BHMT: variants seen among roughly 807,000 people sequenced by gnomAD.
BHMT encodes the protein betaine--homocysteine S-methyltransferase 1.
BHMT carries 38 observed loss-of-function variants against 49.5 expected under a neutral mutation model. The ratio of observed to expected loss-of-function variants is 0.77; its 90% confidence interval spans 0.59 to 1.01. The LOEUF (loss-of-function observed/expected upper bound fraction) is 1.01. Among genes scored for constraint, BHMT ranks in the 50% least tolerant of loss-of-function variants. The probability of loss-of-function intolerance (pLI) is 0.00; values close to 1 mark genes in which losing one functional copy is unlikely to be tolerated. For synonymous variants in BHMT, 166 were observed against 176.3 expected (o/e 0.94, Z 0.46); for missense variants, 426 against 495.7 (o/e 0.86, Z 1.34).
chr5:79,111,889 C>G lies in BHMT; in HGVS notation c.4C>G (p.Pro2Ala), dbSNP rs368937011. The G allele has an allele frequency of 6.2e-7, 1 of 1,611,760 alleles. No homozygotes were observed. Among genetic ancestry groups the G allele is most frequent in the African/African-American group, 1.3e-5 (1 of 74,804 alleles). Residue 2 changes from proline to alanine, a missense_variant, in exon 1 of 8, where the codon CCA becomes GCA. This residue lies in a region of BHMT where 321 missense variants were observed against 355.9 expected (regional missense o/e 0.90). Transcript: ENST00000274353. ...CACCTGTCTGGACACCACGAAGATG[C>G]CACCCGTTGGGGGCAAAAAGGCCAA... M[P>A]PVGGKKAKKG...
chr5:79,112,990 G>A (rs2112720909), intron 1 of BHMT, among the ~76,000 whole-genome samples: 1 of 152,298 alleles, frequency 6.6e-6, no homozygotes, highest in South Asian at 2.1e-4. Flanking sequence ...TGTATCCTCT[G>A]GGCTGTAAGG....
chr5:79,115,826 T>C lies in BHMT; in HGVS notation c.93T>C (p.Phe31=). Residue 31 remains phenylalanine (F), a synonymous_variant, in exon 2 of 8, where the codon TTT becomes TTC. Transcript: ENST00000274353. The stretch of plus-strand genomic sequence containing the variant: ...TGATTGGAGATGGAGGGTTTGTCTT[T>C]GCACTGGAGAAGAGGGGCTACGTAA... ...EIVIGDGGFV[F]ALEKRGYVKA... is the part of the protein sequence containing the mutation. The C allele has an allele frequency of 1.2e-6, 2 of 1,614,082 alleles. No individual in the cohort carries two copies. The highest frequency in any genetic ancestry group is 1.7e-6 in the Non-Finnish European group (2 of 1,179,976).
rs774498400 is a variant in BHMT, at chr5:79,131,102, T to A, written c.1207T>A (p.Phe403Ile). 2.5e-6 allele frequency: 4 copies of A among 1,612,992 alleles called. No individual in the cohort carries two copies. The highest frequency in any genetic ancestry group is 2.2e-5 in the South Asian group (2 of 90,842). The part of the protein sequence containing the change: ...QLKELFEKQK[F>I]KSQ Reference sequence around the variant, plus strand: ...GAAAGAGCTCTTTGAAAAACAAAAATTCAAATCACAGTAGCCTCGATAGAA... The same window carrying A: ...GAAAGAGCTCTTTGAAAAACAAAAAATCAAATCACAGTAGCCTCGATAGAA... The change falls in exon 8 of 8, where the codon TTC becomes ATC. Residue 403 changes from phenylalanine to isoleucine, a missense_variant. Around this residue, in one of 3 missense-constraint regions of BHMT, gnomAD observed 73 missense variants for 68.3 expected, o/e 1.07. Transcript: ENST00000274353.
intron 7 of BHMT, among the ~76,000 whole-genome samples, chr5:79,130,187 A>G (rs577528193): frequency 1.1e-3 from 169 of 152,240 alleles, no homozygotes; most frequent in African/African-American, 4.0e-3. Context: ...AAAGAAATTC[A>G]AAGTAACTTT....
Position 79,119,243 on chromosome 5 carries a change from T to C in BHMT, c.167-16T>C. On this transcript the variant is annotated splice_polypyrimidine_tract_variant and intron_variant, in intron 2 of 7. Coordinates refer to ENST00000274353, the MANE Select transcript of BHMT (RefSeq NM_001713.3). ...TAATAAACAGAAATTATACCTTTCC[T>C]CATTCACTCTCCCAGTTCGCCAGCT... is the stretch of plus-strand genomic sequence containing the variant. The C allele has an allele frequency of 6.4e-7, 1 of 1,571,666 alleles. No individual in the cohort carries two copies. The highest frequency in any genetic ancestry group is 8.7e-7 in the Non-Finnish European group (1 of 1,154,530).
intron 2 of BHMT, among the ~76,000 whole-genome samples, chr5:79,118,701 C>T (rs558273366): frequency 1.4e-3 from 212 of 152,310 alleles, no homozygotes; most frequent in African/African-American, 4.8e-3. Context: ...TGCCTGTTCC[C>T]GCTTTATTAT....
chr5:79,128,081 A>G, intron 7 of BHMT, 98 bp downstream of exon 7: 1 of 1,384,212 alleles, frequency 7.2e-7, no homozygotes, highest in Non-Finnish European at 9.9e-7. Flanking sequence ...GTGATGATGA[A>G]GAATCAGTCA....
In BHMT at chr5:79,120,159, C is replaced by A; in HGVS notation, c.286-191C>A. On this transcript the variant is annotated intron_variant, in intron 3 of 7. Transcript: ENST00000274353. ...AATGTCATATATATATTTATTGTTACTATCACTATTATTAGTGTTATTGTT... is the reference window on the plus strand; with the variant it reads ...AATGTCATATATATATTTATTGTTAATATCACTATTATTAGTGTTATTGTT... The A allele has an allele frequency of 4.0e-6, 2 of 503,372 alleles. 1 individual carries two copies. The allele number at this position is 503,372 out of a possible 1,614,324, so 31.2% of individuals were successfully genotyped here.
intron 4 of BHMT, among the ~76,000 whole-genome samples, chr5:79,120,841 T>C (rs561664823): frequency 1.3e-5 from 2 of 152,252 alleles, no homozygotes; most frequent in East Asian, 3.9e-4. Context: ...TTTTAAGCAA[T>C]AGAATACATT....
At chr5:79,128,595 T>G (rs1163682425) in intron 7 of BHMT, among the ~76,000 whole-genome samples, 1 of 152,020 alleles carries the variant, frequency 6.6e-6, no homozygotes, top group Non-Finnish European at 1.5e-5. Flanking sequence ...TGTGATTTTG[T>G]GCTCTAGTAA....
intron 2 of BHMT, 71 bp downstream of exon 2, chr5:79,115,970 C>A: frequency 6.8e-7 from 1 of 1,471,006 alleles, no homozygotes; most frequent in South Asian, 1.4e-5. Context: ...GTAATCCCAG[C>A]AACTCAGGAG....
chr5:79,125,814 A>C (rs114632405), intron 5 of BHMT, among the ~76,000 whole-genome samples: 2,682 of 152,120 alleles, frequency 0.018, 92 homozygotes, highest in African/African-American at 0.06. Flanking sequence ...GTGGTGGCAC[A>C]CACTTGTAGT....
In BHMT at chr5:79,123,341, C is replaced by G. The variant is rs956681554; in HGVS notation, c.625+1976C>G. On this transcript the variant is annotated intron_variant, in intron 5 of 7. Coordinates refer to ENST00000274353, the MANE Select transcript of BHMT (RefSeq NM_001713.3). Reference sequence around the variant, plus strand: ...CCAGCAACAGCAAAGACACCTGCCACTCACCACTGGATTCCATGGGTTGTG... The same window carrying G: ...CCAGCAACAGCAAAGACACCTGCCAGTCACCACTGGATTCCATGGGTTGTG... 9.8e-5 allele frequency among the ~76,000 whole-genome samples: 15 copies of G among 152,324 alleles called. 1 individual carries two copies. Among genetic ancestry groups the G allele is most frequent in the African/African-American group, 3.4e-4 (14 of 41,572 alleles).
At chr5:79,129,658 CA>C (rs1409653310) in intron 7 of BHMT, among the ~76,000 whole-genome samples, 1 of 152,020 alleles carries the variant, frequency 6.6e-6, no homozygotes, top group African/African-American at 2.4e-5. Context: ...GGACAGCAGA[CA>C]GGTTGAGGCC....
At chr5:79,125,960 C>A in intron 5 of BHMT, 86 bp from the exon 6 acceptor site, 1 of 1,385,494 alleles carries the variant, frequency 7.2e-7, no homozygotes, top group Non-Finnish European at 9.8e-7. Context: ...GAAAAAAGAA[C>A]TTCCTGATTC....
Position 79,115,908 on chromosome 5 carries a change from A to G in BHMT, c.166+9A>G, listed in dbSNP as rs770132110. On this transcript the variant is annotated intron_variant, in intron 2 of 7. Transcript: ENST00000274353. ...GGAGCACCCAGAAGCAGGTTGGTGC[A>G]GAGCTCTATTGTAAGTTCTCATAAA... 1 of 1,609,774 alleles carries G rather than the reference A, an allele frequency of 6.2e-7. No individual in the cohort carries two copies. The highest frequency in any genetic ancestry group is 8.5e-7 in the Non-Finnish European group (1 of 1,178,426).
intron 2 of BHMT, among the ~76,000 whole-genome samples, chr5:79,117,907 T>G (rs980286240): frequency 1.3e-5 from 2 of 152,212 alleles, no homozygotes; most frequent in Non-Finnish European, 2.9e-5. Flanking sequence ...AAAGGAGTTT[T>G]TTTCCACTAT....
In BHMT at chr5:79,131,311, A is replaced by G. The variant is rs1279971834; in HGVS notation, c.*195A>G. ...TGTTTTAGAAATTTTCTTAGGAGCA[A>G]AATAAGTACAAAGTAAATCTTGAAC... On this transcript the variant is annotated 3_prime_UTR_variant, in exon 8 of 8. Coordinates refer to ENST00000274353, the MANE Select transcript of BHMT (RefSeq NM_001713.3). 1 of 544,054 alleles carries G rather than the reference A, an allele frequency of 1.8e-6. No individual in the cohort carries two copies. The highest frequency in any genetic ancestry group is 3.1e-6 in the Non-Finnish European group (1 of 323,798). 33.7% of individuals were successfully genotyped at this position (544,054 alleles called of 1,614,324 possible). A position where few individuals can be genotyped will look rare whatever the true frequency, so the allele number is the denominator to read the frequency against.
rs753607977 is a variant in BHMT, at chr5:79,115,854, G to C, written c.121G>C (p.Ala41Pro). ...ACTGGAGAAGAGGGGCTACGTAAAG[G>C]CAGGACCCTGGACTCCTGAAGCTGC... ...FALEKRGYVK[A>P]GPWTPEAAVE... Residue 41 changes from alanine to proline, a missense_variant, in exon 2 of 8, where the codon GCA becomes CCA. Coordinates refer to ENST00000274353, the MANE Select transcript of BHMT (RefSeq NM_001713.3). The C allele has an allele frequency of 3.7e-6, 6 of 1,613,922 alleles. No homozygotes were observed. In the African/African-American group the frequency reaches 5.3e-5, roughly 14 times the overall value.
Sources: allele counts gnomAD v4.1 joint callset (sites outside exome capture counted in the v4.1 genomes callset), GRCh38; gene constraint gnomAD v4.1.1; regional missense constraint gnomAD v4.1.1; transcripts MANE v1.5; gene names NCBI Gene and HGNC (gene_info 2026-07-23, HGNC 2026-07-21).